Variants in CPLANE1 observed in about 807,000 individuals in gnomAD.
CPLANE1 encodes the protein ciliogenesis and planar polarity effector 1.
Under a neutral mutation model 362.5 loss-of-function variants are expected in CPLANE1, and 263 were observed. The ratio of observed to expected loss-of-function variants is 0.73; its 90% CI spans 0.66 to 0.80. The LOEUF is 0.80. CPLANE1 is among the 30% of genes least tolerant of loss of function. The pLI is 0.00. For synonymous variants in CPLANE1, 1,212 were observed against 1,302.6 expected (o/e 0.93, Z 1.50); for missense variants, 3,461 against 3,793.4 (o/e 0.91, Z 2.30).
At chr5:37,086,826 G>A in the CPLANE1 span, among the ~76,000 whole-genome samples, 1 of 152,284 alleles carries the variant, frequency 6.6e-6, no homozygotes, top group East Asian at 1.9e-4. Context: ...GTCAGTGTAC[G>A]TTATTCATCT....
intron 29 of CPLANE1, among the ~76,000 whole-genome samples, chr5:37,178,764 A>AT (rs1285793693): frequency 5.9e-4 from 88 of 149,702 alleles, no homozygotes; most frequent in Non-Finnish European, 7.1e-4. Context: ...ATACTTTTTA[A>AT]TTTTTTTTTT....
At chr5:37,116,348 C>T (rs1425322317) in intron 50 of CPLANE1, among the ~76,000 whole-genome samples, 2 of 151,594 alleles carry the variant, frequency 1.3e-5, no homozygotes, top group African/African-American at 2.4e-5. Context: ...TAGTTGGGCA[C>T]GGTGGTGCAA....
chr5:37,186,625 A>G (rs1441566522), intron 23 of CPLANE1, among the ~76,000 whole-genome samples: 1 of 152,194 alleles, frequency 6.6e-6, no homozygotes, highest in Non-Finnish European at 1.5e-5. Context: ...TTCAAGGTGT[A>G]CAATGTGATG....
intron 2 of CPLANE1, among the ~76,000 whole-genome samples, chr5:37,247,018 G>C (rs527987851): frequency 4.6e-5 from 7 of 152,370 alleles, no homozygotes; most frequent in Non-Finnish European, 8.8e-5. Flanking sequence ...TCTCCAGATA[G>C]TTCTGATAGT....
At chr5:37,119,067 T>C (rs1222044010) in intron 50 of CPLANE1, among the ~76,000 whole-genome samples, 2 of 152,176 alleles carry the variant, frequency 1.3e-5, no homozygotes, top group African/African-American at 2.4e-5. Flanking sequence ...TTATAATACG[T>C]TGTTAATATA....
At chr5:37,243,200 C>T (rs1800955849) in intron 5 of CPLANE1, 81 bp from the exon 6 acceptor site, 2 of 740,748 alleles carry the variant, frequency 2.7e-6, no homozygotes, top group Admixed American at 3.5e-5. Context: ...ATATATTCCT[C>T]ATCATAAACC....
At position 37,170,072 on chromosome 5, in the gene CPLANE1, G is replaced by A; in HGVS notation, c.6431C>T (p.Pro2144Leu). 6.2e-7 allele frequency: 1 copy of A among 1,614,080 alleles called. No individual in the cohort carries two copies. Among genetic ancestry groups the A allele is most frequent in the South Asian group, 1.1e-5 (1 of 91,068 alleles). Residue 2144 changes from proline (P) to leucine (L), a missense_variant, in exon 33 of 53, where the codon CCA becomes CTA. Physicochemically the swap from Pro to Leu is moderately conservative, Grantham distance 98. This residue lies in a region of CPLANE1 where 3,380 missense variants were observed against 3,666.1 expected (regional missense o/e 0.92). Transcript: ENST00000651892. ...GTTTCCAGTACTATTTTGACCAGAT[G>A]GGATAGTTCCTTCATGGCAGTGTGG... ...NSPHCHEGTIPSGQNSTGNVQ... is the reference protein window; with the variant it reads ...NSPHCHEGTILSGQNSTGNVQ...
At chr5:37,168,168 G>C (rs1033128535) in intron 34 of CPLANE1, among the ~76,000 whole-genome samples, 4 of 152,134 alleles carry the variant, frequency 2.6e-5, no homozygotes, top group African/African-American at 9.7e-5. Flanking sequence ...TACCTTTAAA[G>C]AGGACTTGGT....
Position 37,115,066 on chromosome 5 carries a change from A to C in CPLANE1, c.9311-17T>G, listed in dbSNP as rs1043155251. 1 of 1,481,622 alleles carries C rather than the reference A, an allele frequency of 6.7e-7. No homozygotes were observed. Among genetic ancestry groups the C allele is most frequent in the Non-Finnish European group, 9.4e-7 (1 of 1,063,196 alleles). 91.8% of individuals were successfully genotyped at this position (1,481,622 alleles called of 1,614,324 possible). On this transcript the variant is annotated splice_polypyrimidine_tract_variant and intron_variant, in intron 50 of 52. Coordinates refer to ENST00000651892, the MANE Select transcript of CPLANE1 (RefSeq NM_001384732.1). ...TGGCAGTTCCTATACAGAGAGACAA[A>C]CATTATTAGCCTTCCATAGACATCC...
intron 31 of CPLANE1, among the ~76,000 whole-genome samples, chr5:37,175,207 A>C (rs534926009): frequency 6.6e-6 from 1 of 152,286 alleles, no homozygotes; most frequent in South Asian, 2.1e-4. Flanking sequence ...GCACTCAGGA[A>C]GGCCTTGGGA....
intron 30 of CPLANE1, 24 bp downstream of exon 30, chr5:37,177,597 C>G (rs767441378): frequency 1.4e-5 from 21 of 1,554,234 alleles, no homozygotes; most frequent in Non-Finnish European, 1.6e-5. Context: ...GTGACAATCA[C>G]TGTCATACTT....
chr5:37,231,769 T>A (rs895633556), intron 8 of CPLANE1, among the ~76,000 whole-genome samples: 22 of 152,168 alleles, frequency 1.4e-4, no homozygotes, highest in South Asian at 1.0e-3. Context: ...CGTGATTTTT[T>A]AATTTATTTT....
At chr5:37,098,943 A>G in the CPLANE1 span, among the ~76,000 whole-genome samples, 11 of 150,944 alleles carry the variant, frequency 7.3e-5, no homozygotes, top group African/African-American at 2.2e-4. Context: ...AAAAAAAAAA[A>G]AGAGAAAGAC....
In CPLANE1 at chr5:37,164,343, C is replaced by G. The variant is rs772239929; in HGVS notation, c.7534-16G>C. On this transcript the variant is annotated splice_polypyrimidine_tract_variant and intron_variant, in intron 36 of 52. Coordinates refer to ENST00000651892, the MANE Select transcript of CPLANE1 (RefSeq NM_001384732.1). ...CTTGTTGTTCCTAAATGAATTCCCA[C>G]AGGATTACTCTATGATTAACTCAAA... 1 of 1,602,630 alleles carries G rather than the reference C, an allele frequency of 6.2e-7. No homozygotes were observed. Among genetic ancestry groups the G allele is most frequent in the South Asian group, 1.1e-5 (1 of 90,634 alleles).
At chr5:37,206,153 T>C (rs749748716) in intron 17 of CPLANE1, 44 bp downstream of exon 17, 29 of 1,203,266 alleles carry the variant, frequency 2.4e-5, no homozygotes, top group Non-Finnish European at 3.2e-5. Context: ...ATAAAATACA[T>C]AGTTCAATCA....
At chr5:37,199,829 G>T (rs1389467891) in intron 19 of CPLANE1, among the ~76,000 whole-genome samples, 1 of 152,158 alleles carries the variant, frequency 6.6e-6, no homozygotes, top group Admixed American at 6.5e-5. Context: ...CTATTCACAG[G>T]CCAAGCAGTA....
chr5:37,211,545 G>A (rs1317256912), intron 16 of CPLANE1: 39 of 1,236,804 alleles, frequency 3.2e-5, no homozygotes, highest in Admixed American at 1.1e-4. Context: ...AAGGCTATGC[G>A]GGGGCACTTC....
At position 37,201,733 on chromosome 5, in the gene CPLANE1, T is replaced by A; in HGVS notation, c.3365A>T (p.Asp1122Val). The A allele has an allele frequency of 1.9e-6, 3 of 1,614,142 alleles. No individual in the cohort carries two copies. The highest frequency in any genetic ancestry group is 2.5e-6 in the Non-Finnish European group (3 of 1,179,998). Residue 1122 changes from aspartate to valine, a missense_variant, in exon 19 of 53, where the codon GAT (aspartate) becomes GTT (valine). Physicochemically the swap from Asp to Val is radical, Grantham distance 152. Coordinates refer to ENST00000651892, the MANE Select transcript of CPLANE1 (RefSeq NM_001384732.1). The part of the protein sequence containing the change: ...QEVLKASVMA[D>V]ADILSETFQL... Reference sequence around the variant, plus strand: ...AAATGTCTCCGAAAGAATATCTGCATCGGCCATAACTGATGCTTTCAGTAC... The same window carrying A: ...AAATGTCTCCGAAAGAATATCTGCAACGGCCATAACTGATGCTTTCAGTAC...
Position 37,206,256 on chromosome 5 carries a change from C to A in CPLANE1, c.3090G>T (p.Thr1030=). 6.4e-7 allele frequency: 1 copy of A among 1,551,796 alleles called. No individual in the cohort carries two copies. ...GGAAAGCCACACCAATTGAAACAGACGTCTTCCAGTCTCCAAGTTTATATG... is the reference window on the plus strand; with the variant it reads ...GGAAAGCCACACCAATTGAAACAGAAGTCTTCCAGTCTCCAAGTTTATATG... The part of the protein sequence containing the change: ...WLAYKLGDWK[T]SVSIGVAFQL... Residue 1030 remains threonine (T), a synonymous_variant, in exon 17 of 53, where the codon ACG becomes ACT. Transcript: ENST00000651892.
Sources: gnomAD v4.1 joint callset for allele counts (sites outside exome capture counted in the v4.1 genomes callset) on GRCh38, gnomAD v4.1.1 for gene constraint, gnomAD v4.1.1 regional missense constraint, MANE v1.5 for transcripts, NCBI Gene and HGNC (gene_info 2026-07-23, HGNC 2026-07-21) for gene names.